The following TACC1 variants were observed in gnomAD, a reference collection of about 807,000 sequenced individuals.
The protein encoded by TACC1 is transforming acidic coiled-coil-containing protein 1.
Under a neutral mutation model 84.4 loss-of-function variants are expected in TACC1, and 48 were observed. The observed-to-expected ratio is 0.57, with a 90% CI of 0.45 to 0.72. The LOEUF is 0.72. TACC1 is among the 30% of genes least tolerant of loss of function. The pLI is 0.00. For missense variants in TACC1, 920 were observed against 973.0 expected (o/e 0.95, Z 0.72); for synonymous variants, 372 against 376.3 (o/e 0.99, Z 0.13).
intron 3 of TACC1, among the ~76,000 whole-genome samples, chr8:38,762,410 C>T (rs994079514): frequency 1.3e-5 from 2 of 152,184 alleles, no homozygotes; most frequent in African/African-American, 4.8e-5. Context: ...TTTCCCTTAG[C>T]ATAATGTCCT....
intron 3 of TACC1, among the ~76,000 whole-genome samples, chr8:38,822,743 G>A (rs1588004900): frequency 6.6e-6 from 1 of 151,740 alleles, no homozygotes; most frequent in Non-Finnish European, 1.5e-5. Flanking sequence ...TAAAATTTTT[G>A]TTAAAAACTA....
chr8:38,785,654 C>A, upstream of TACC1: 1 of 982,430 alleles, frequency 1.0e-6, no homozygotes, highest in East Asian at 1.1e-4. Context: ...TACTGATTTG[C>A]TGGGGTAATA....
intron 3 of TACC1, chr8:38,757,538 G>A (rs1459427046): frequency 5.5e-6 from 6 of 1,099,078 alleles, no homozygotes; most frequent in African/African-American, 5.2e-5. Context: ...CGGGGCACGA[G>A]CGCTCGGCAG....
At chr8:38,846,465 G>A in intron 11 of TACC1, 1 of 393,614 alleles carries the variant, frequency 2.5e-6, no homozygotes, top group East Asian at 4.9e-5. Flanking sequence ...ATCTAAGACT[G>A]TTATAGAAAC....
chr8:38,830,919 G>C (rs1320826815), intron 5 of TACC1, among the ~76,000 whole-genome samples: 1 of 152,196 alleles, frequency 6.6e-6, no homozygotes, highest in South Asian at 2.1e-4. Flanking sequence ...GTTTGTGGCT[G>C]ACTAACCATG....
At chr8:38,772,754 T>G (rs1389341580) in intron 3 of TACC1, among the ~76,000 whole-genome samples, 1 of 152,052 alleles carries the variant, frequency 6.6e-6, no homozygotes, top group Admixed American at 6.6e-5. Flanking sequence ...TAAATGTAAA[T>G]AAATATTCAT....
intron 3 of TACC1, among the ~76,000 whole-genome samples, chr8:38,759,391 T>G (rs1587350269): frequency 6.6e-6 from 1 of 152,240 alleles, no homozygotes; most frequent in South Asian, 2.1e-4. Context: ...GTTTACTGTG[T>G]AACTTGAAAG....
chr8:38,740,063 A>G (rs1806770973), intron 1 of TACC1, among the ~76,000 whole-genome samples: 1 of 152,174 alleles, frequency 6.6e-6, no homozygotes, highest in African/African-American at 2.4e-5. Context: ...AGCTAACCAC[A>G]TTCCTTGAAG....
rs1268331883 is a variant in TACC1 at position 38,820,403 on chromosome 8, A to G, written c.1159A>G (p.Ser387Gly). 1.2e-6 allele frequency: 2 copies of G among 1,614,054 alleles called. No individual in the cohort carries two copies. The highest frequency in any genetic ancestry group is 2.7e-5 in the African/African-American group (2 of 74,930). The stretch of plus-strand genomic sequence containing the variant: ...CCAAACATCTTCCAAGCCAGATCCT[A>G]GTCAGTGGGAAAGCCCCAGCTTCAA... ...LSQTSSKPDP[S>G]QWESPSFNPF... The change falls in exon 3 of 13, where the codon AGT becomes GGT. Residue 387 changes from serine (S) to glycine (G), a missense_variant. By Grantham distance (56) the Ser-to-Gly change is moderately conservative. Around this residue, in one of 2 missense-constraint regions of TACC1, gnomAD observed 762 missense variants for 747.3 expected, o/e 1.02. Transcript: ENST00000317827.
chr8:38,734,760 C>T (rs1353174627), intron 1 of TACC1, among the ~76,000 whole-genome samples: 3 of 152,266 alleles, frequency 2.0e-5, no homozygotes, highest in African/African-American at 7.2e-5. Context: ...AGCCTGAGGG[C>T]TGCACTAGCC....
At chr8:38,801,237 T>C (rs1283719607) in intron 2 of TACC1, among the ~76,000 whole-genome samples, 2 of 152,236 alleles carry the variant, frequency 1.3e-5, no homozygotes, top group African/African-American at 4.8e-5. Context: ...TTTGATAACG[T>C]TCAGTTTACT....
chr8:38,786,237 T>C (rs1817117324), upstream of TACC1, among the ~76,000 whole-genome samples: 1 of 152,170 alleles, frequency 6.6e-6, no homozygotes, highest in African/African-American at 2.4e-5. Flanking sequence ...GGTGCTTTGG[T>C]GGTTTTGAGA....
At chr8:38,811,348 A>G (rs1228540241) in intron 2 of TACC1, among the ~76,000 whole-genome samples, 2 of 152,106 alleles carry the variant, frequency 1.3e-5, no homozygotes, top group Middle Eastern at 3.4e-3. Context: ...CATCTTTGCT[A>G]CCTCCTCCTA....
intron 3 of TACC1, among the ~76,000 whole-genome samples, chr8:38,768,025 G>A (rs1477056245): frequency 6.6e-6 from 1 of 150,440 alleles, no homozygotes; most frequent in Non-Finnish European, 1.5e-5. Flanking sequence ...ATGAGATTGT[G>A]CCACTGCACT....
At position 38,808,190 on chromosome 8, in the gene TACC1, G is replaced by C. The variant is rs545933020; in HGVS notation, c.278-11332G>C. Among the ~76,000 whole-genome samples the C allele has an allele frequency of 4.6e-5, 7 of 152,284 alleles. 1 individual carries two copies. The highest frequency in any genetic ancestry group is 1.7e-4 in the African/African-American group (7 of 41,542). ...TAGAGAGAGAGCCTTTCAGTGCCCT[G>C]GAAGAAGGTTTTTAGGGAACACAGG... On this transcript the variant is annotated intron_variant, in intron 2 of 12. Coordinates refer to ENST00000317827, the MANE Select transcript of TACC1 (RefSeq NM_006283.3).
chr8:38,772,890 TAA>T (rs1813942125), intron 3 of TACC1, among the ~76,000 whole-genome samples: 1 of 152,062 alleles, frequency 6.6e-6, no homozygotes. Context: ...AACAAATATT[TAA>T]ACATGCATAA....
At chr8:38,840,733 A>C (rs1831103382) in intron 9 of TACC1, 1 of 153,436 alleles carries the variant, frequency 6.5e-6, no homozygotes. Flanking sequence ...AAGTTGCTGC[A>C]AACACTGAGT....
Position 38,771,319 on chromosome 8 carries a change from G to A in TACC1, c.27-17385G>A, listed in dbSNP as rs1034015948. 1.4e-4 allele frequency among the ~76,000 whole-genome samples: 21 copies of A among 152,172 alleles called. 1 individual carries two copies. Among genetic ancestry groups the A allele is most frequent in the Admixed American group, 1.2e-3 (19 of 15,288 alleles). On this transcript the variant is annotated intron_variant, in intron 3 of 14. Coordinates refer to the TACC1 transcript ENST00000518415. ...ATGGATTGTGAATTGAAGATGGGGG[G>A]TGATGTAAGGCAGACAAGGACAGAA...
rs1343771196 is a variant in TACC1, at chr8:38,820,574, A to T, written c.1330A>T (p.Thr444Ser). 1 of 1,613,586 alleles carries T rather than the reference A, an allele frequency of 6.2e-7. No individual in the cohort carries two copies. The highest frequency in any genetic ancestry group is 1.7e-5 in the Admixed American group (1 of 60,006). Residue 444 changes from threonine (T) to serine (S), a missense_variant, in exon 3 of 13, where the codon ACT becomes TCT. Around this residue, in one of 2 missense-constraint regions of TACC1, gnomAD observed 762 missense variants for 747.3 expected, o/e 1.02. Coordinates refer to ENST00000317827, the MANE Select transcript of TACC1 (RefSeq NM_006283.3). ...AACAAGCAGTGACTTTTGTTCTCCC[A>T]CTGGTAATCACGTTAATGAAATCTT... ...TLTSSDFCSP[T>S]GNHVNEILES... is the part of the protein sequence containing the mutation.
Sources: allele counts gnomAD v4.1 joint callset (sites outside exome capture counted in the v4.1 genomes callset), GRCh38; gene constraint gnomAD v4.1.1; regional missense constraint gnomAD v4.1.1; transcripts MANE v1.5; gene names NCBI Gene and HGNC (gene_info 2026-07-23, HGNC 2026-07-21).